CEP128: variants seen among roughly 807,000 people sequenced by gnomAD.
CEP128 encodes centrosomal protein 128.
Under a neutral mutation model 156.7 loss-of-function variants are expected in CEP128, and 132 were observed. That is an observed-to-expected ratio of 0.84 (90% CI 0.73 to 0.97). The LOEUF is 0.97. Ranked by LOEUF, CEP128 falls within the 50% of genes least tolerant of loss-of-function variation. The pLI is 0.00. For missense variants in CEP128, 1,252 were observed against 1,281.9 expected (o/e 0.98, Z 0.36); for synonymous variants, 469 against 448.9 (o/e 1.04, Z -0.57).
At position 80,829,854 on chromosome 14, in the gene CEP128, C is replaced by T. The variant is rs950923345; in HGVS notation, c.1209+1289G>A. 7.2e-5 allele frequency among the ~76,000 whole-genome samples: 11 copies of T among 152,170 alleles called. No individual in the cohort carries two copies. In the East Asian group the frequency reaches 1.7e-3, roughly 24 times the overall value. On this transcript the variant is annotated intron_variant, in intron 13 of 24. Transcript: ENST00000555265. ...GAAAGCCAGGAATCTTGAATAAGAGCATTATTAGGCTATTACAAATAATTT... is the reference window on the plus strand; with the variant it reads ...GAAAGCCAGGAATCTTGAATAAGAGTATTATTAGGCTATTACAAATAATTT...
At chr14:80,637,449 T>C (rs1333712728) in intron 19 of CEP128, among the ~76,000 whole-genome samples, 1 of 152,158 alleles carries the variant, frequency 6.6e-6, no homozygotes, top group Non-Finnish European at 1.5e-5. Context: ...TCCATCTCAT[T>C]TTCTCAATTT....
chr14:80,547,588 G>A (rs1296370243), intron 21 of CEP128, among the ~76,000 whole-genome samples: 1 of 152,146 alleles, frequency 6.6e-6, no homozygotes, highest in Non-Finnish European at 1.5e-5. Context: ...TCTAAAATGT[G>A]AGAACCATGG....
intron 19 of CEP128, chr14:80,742,834 A>G (rs75974622): frequency 0.067 from 31,251 of 469,066 alleles, 1,146 homozygotes; most frequent in Middle Eastern, 0.074. Context: ...ATGTCTTATC[A>G]ATTAATTCCT....
chr14:80,641,158 T>C (rs1270094247), intron 19 of CEP128, among the ~76,000 whole-genome samples: 1 of 152,166 alleles, frequency 6.6e-6, no homozygotes, highest in Non-Finnish European at 1.5e-5. Context: ...CCATAACCAA[T>C]AGTAACACAA....
At chr14:80,597,950 C>CAAAAAAAAAAAAAA (rs34001813) in intron 19 of CEP128, among the ~76,000 whole-genome samples, 2 of 80,142 alleles carry the variant, frequency 2.5e-5, no homozygotes, top group African/African-American at 5.0e-5. Flanking sequence ...TCCTCAGCTA[C>CAAAAAAAAAAAAAA]AAAAAAAAAA....
rs1438892573 is a variant in CEP128, at chr14:80,785,427, A to G, written c.1679T>C (p.Leu560Pro). The change falls in exon 15 of 25, where the codon CTT (leucine) becomes CCT (proline). Residue 560 changes from leucine to proline, a missense_variant. Transcript: ENST00000555265. The part of the protein sequence containing the change: ...LTKRALQEEE[L>P]HSKEEKLRDI... The stretch of plus-strand genomic sequence containing the variant: ...ACGTAATTTCTCCTCCTTGGAGTGA[A>G]GCTCCTCCTCCTGAAGGGCACGCTT... The G allele has an allele frequency of 6.2e-7, 1 of 1,613,884 alleles. No homozygotes were observed. Among genetic ancestry groups the G allele is most frequent in the Non-Finnish European group, 8.5e-7 (1 of 1,179,966 alleles).
intron 2 of CEP128, among the ~76,000 whole-genome samples, chr14:80,925,715 G>A (rs1885106787): frequency 6.6e-6 from 1 of 152,008 alleles, no homozygotes; most frequent in Non-Finnish European, 1.5e-5. Flanking sequence ...AAGCAACACA[G>A]GAACTTAAAA....
At chr14:80,598,287 T>C (rs1331446391) in intron 19 of CEP128, among the ~76,000 whole-genome samples, 1 of 152,016 alleles carries the variant, frequency 6.6e-6, no homozygotes, top group Admixed American at 6.6e-5. Flanking sequence ...AAGATAAATA[T>C]ACAAAAATCT....
chr14:80,813,014 C>T (rs1239050373), intron 13 of CEP128, among the ~76,000 whole-genome samples: 2 of 152,100 alleles, frequency 1.3e-5, no homozygotes, highest in Non-Finnish European at 2.9e-5. Context: ...ATGTGCATGT[C>T]TTCTTTTGAG....
intron 19 of CEP128, among the ~76,000 whole-genome samples, chr14:80,740,472 A>T (rs1436705061): frequency 2.0e-5 from 3 of 151,404 alleles, no homozygotes; most frequent in African/African-American, 7.3e-5. Context: ...ACACACACAC[A>T]CACACAGATT....
At chr14:80,701,065 G>A (rs893349759) in intron 19 of CEP128, among the ~76,000 whole-genome samples, 3 of 152,148 alleles carry the variant, frequency 2.0e-5, no homozygotes, top group Admixed American at 1.3e-4. Flanking sequence ...GATTAGCCAG[G>A]GTAAAACTGA....
chr14:80,690,500 G>A lies in CEP128; in HGVS notation c.2806+52575C>T, dbSNP rs1896684830. Among the ~76,000 whole-genome samples the A allele has an allele frequency of 2.0e-5, 3 of 151,468 alleles. No homozygotes were observed. In the South Asian group the frequency reaches 6.2e-4, roughly 32 times the overall value. ...TAGCTTAGAGTTCTCACAATGATAG[G>A]TGCTGGCGTGGATAAATTGTCACAA... is the stretch of plus-strand genomic sequence containing the variant. On this transcript the variant is annotated intron_variant, in intron 19 of 24. Transcript: ENST00000555265.
chr14:80,787,541 TATC>T (rs2139818930), intron 14 of CEP128, among the ~76,000 whole-genome samples: 1 of 152,332 alleles, frequency 6.6e-6, no homozygotes, highest in East Asian at 1.9e-4. Context: ...AGTAATGTCT[TATC>T]ATATTCATTG....
At chr14:80,855,804 TACTCGAAATATC>T (rs1282604561) in intron 9 of CEP128, among the ~76,000 whole-genome samples, 1 of 152,152 alleles carries the variant, frequency 6.6e-6, no homozygotes, top group Non-Finnish European at 1.5e-5. Context: ...TGCTGTGTGA[TACTCGAAATATC>T]ACAGAAGCCT....
At chr14:80,803,517 G>A (rs1883997908) in intron 13 of CEP128, among the ~76,000 whole-genome samples, 1 of 152,144 alleles carries the variant, frequency 6.6e-6, no homozygotes, top group Non-Finnish European at 1.5e-5. Context: ...AATCCCGGAA[G>A]TCACACAGCT....
intron 2 of CEP128, among the ~76,000 whole-genome samples, chr14:80,933,348 C>A (rs2195101): frequency 0.26 from 38,806 of 152,022 alleles, 5,889 homozygotes; most frequent in East Asian, 0.47. Context: ...GGAATCCCAG[C>A]CTTGCAGAGA....
chr14:80,842,461 G>C (rs1397141840), intron 9 of CEP128, among the ~76,000 whole-genome samples: 1 of 151,736 alleles, frequency 6.6e-6, no homozygotes, highest in African/African-American at 2.4e-5. Context: ...AGTTTAAAAT[G>C]AAAGACAAAG....
At chr14:80,911,290 G>A (rs568668907) in intron 4 of CEP128, among the ~76,000 whole-genome samples, 15 of 152,198 alleles carry the variant, frequency 9.9e-5, no homozygotes, top group African/African-American at 2.2e-4. Context: ...CTTGGGCCCC[G>A]GAGTTCAAGA....
At chr14:80,897,694 C>A (rs187064290) in intron 7 of CEP128, among the ~76,000 whole-genome samples, 2 of 152,264 alleles carry the variant, frequency 1.3e-5, no homozygotes, top group Admixed American at 1.3e-4. Flanking sequence ...AACCCCTGTC[C>A]ATCTCTCTCC....
Sources: gnomAD v4.1 joint callset for allele counts (sites outside exome capture counted in the v4.1 genomes callset) on GRCh38, gnomAD v4.1.1 for gene constraint, MANE v1.5 for transcripts, NCBI Gene and HGNC (gene_info 2026-07-23, HGNC 2026-07-21) for gene names.